Variants in ERC1 observed in about 807,000 individuals in gnomAD.
ERC1 encodes the protein RAB6 interacting protein 2.
In ERC1, 56 loss-of-function variants were observed where a neutral mutation model predicts 132.0. That is an observed-to-expected ratio of 0.42 (90% confidence interval 0.34 to 0.53). The LOEUF (loss-of-function observed/expected upper bound fraction) is 0.53, where lower values mean the gene tolerates loss of function less well. Ranked by LOEUF, ERC1 falls within the 20% of genes least tolerant of loss-of-function variation. The pLI is 0.03. For synonymous variants in ERC1, 478 were observed against 476.1 expected (o/e 1.00, Z -0.05); for missense variants, 1,202 against 1,349.9 (o/e 0.89, Z 1.72).
intron 18 of ERC1, among the ~76,000 whole-genome samples, chr12:1,481,086 CA>C (rs2094081482): frequency 6.6e-6 from 1 of 152,118 alleles, no homozygotes; most frequent in Non-Finnish European, 1.5e-5. Flanking sequence ...TAAAATAGGA[CA>C]GTTATAACAA....
chr12:1,322,145 A>G (rs913926990), intron 15 of ERC1, among the ~76,000 whole-genome samples: 2 of 142,174 alleles, frequency 1.4e-5, no homozygotes, highest in African/African-American at 5.3e-5. Context: ...TACTTATTAT[A>G]TACTTAGGCA....
chr12:1,336,378 G>C (rs2083313836), intron 15 of ERC1, among the ~76,000 whole-genome samples: 1 of 151,846 alleles, frequency 6.6e-6, no homozygotes. Flanking sequence ...TCTTTGATGT[G>C]GACATTTAAT....
intron 16 of ERC1, chr12:1,390,965 C>T (rs182164080): frequency 6.6e-6 from 1 of 152,240 alleles, no homozygotes; most frequent in Admixed American, 6.5e-5. Context: ...TTTCTGACTT[C>T]TGGTGCCCAG....
chr12:1,038,448 G>A lies in ERC1; in HGVS notation c.669+9876G>A, dbSNP rs768920509. ...GGGATCTCGGCTCACTGCAACCTCC[G>A]CCTCCCAGGTTCAAGCAGTTCTCTG... On this transcript the variant is annotated intron_variant, in intron 2 of 18. Transcript: ENST00000360905. Among the ~76,000 whole-genome samples, 8 of 151,048 alleles carry A rather than the reference G, an allele frequency of 5.3e-5. 1 individual carries two copies. The highest frequency in any genetic ancestry group is 3.4e-3 in the Middle Eastern group (1 of 294).
At chr12:1,263,977 A>G (rs910333554) in intron 14 of ERC1, among the ~76,000 whole-genome samples, 2 of 151,682 alleles carry the variant, frequency 1.3e-5, no homozygotes, top group Non-Finnish European at 2.9e-5. Context: ...GGCGTGAGCC[A>G]CTGTGCCCGG....
chr12:1,174,732 G>T (rs1215370425), intron 8 of ERC1, among the ~76,000 whole-genome samples: 1 of 152,158 alleles, frequency 6.6e-6, no homozygotes, highest in African/African-American at 2.4e-5. Context: ...AACTTGGTTG[G>T]TTCTGTGAAA....
chr12:1,292,329 C>G (rs2079513697), intron 15 of ERC1, among the ~76,000 whole-genome samples: 1 of 152,064 alleles, frequency 6.6e-6, no homozygotes, highest in Non-Finnish European at 1.5e-5. Flanking sequence ...TATATGCAGG[C>G]AGTTAGTTGT....
intron 18 of ERC1, among the ~76,000 whole-genome samples, chr12:1,450,307 T>C (rs1007746685): frequency 1.2e-4 from 18 of 152,208 alleles, no homozygotes; most frequent in African/African-American, 4.3e-4. Context: ...ACGCCATACC[T>C]GTTAAACAGT....
intron 2 of ERC1, among the ~76,000 whole-genome samples, chr12:1,054,441 C>G (rs1254944314): frequency 2.0e-5 from 3 of 151,960 alleles, no homozygotes; most frequent in African/African-American, 7.3e-5. Context: ...GCACCCCCGG[C>G]TCTTTTTAAA....
chr12:1,397,615 G>A (rs1310429734), intron 16 of ERC1, among the ~76,000 whole-genome samples: 1 of 152,182 alleles, frequency 6.6e-6, no homozygotes, highest in African/African-American at 2.4e-5. Flanking sequence ...GCAATTATAT[G>A]AGTATATGAT....
intron 1 of ERC1, among the ~76,000 whole-genome samples, chr12:1,013,016 G>A (rs1022920677): frequency 2.6e-5 from 4 of 152,110 alleles, no homozygotes; most frequent in Admixed American, 6.5e-5. Flanking sequence ...GTGAATAGAC[G>A]TTTGTGAACA....
intron 13 of ERC1, among the ~76,000 whole-genome samples, chr12:1,243,216 AAAAG>A (rs933831283): frequency 2.2e-4 from 33 of 152,066 alleles, no homozygotes; most frequent in Non-Finnish European, 3.7e-4. Context: ...AGAAAAAAAA[AAAAG>A]AAATCGAGAG....
chr12:1,146,908 A>G (rs972600816), intron 8 of ERC1, among the ~76,000 whole-genome samples: 1 of 152,086 alleles, frequency 6.6e-6, no homozygotes, highest in Non-Finnish European at 1.5e-5. Context: ...TTTGCTGACA[A>G]TGATGGTTTC....
intron 17 of ERC1, among the ~76,000 whole-genome samples, chr12:1,434,459 C>A (rs963126510): frequency 6.6e-6 from 1 of 152,222 alleles, no homozygotes; most frequent in African/African-American, 2.4e-5. Context: ...GATGTGTACA[C>A]CATGTACCCC....
intron 15 of ERC1, among the ~76,000 whole-genome samples, chr12:1,309,714 C>CCT (rs1288813061): frequency 5.9e-5 from 8 of 135,298 alleles, no homozygotes; most frequent in Non-Finnish European, 1.3e-4. Flanking sequence ...TGCACTCTGA[C>CCT]TTTTTTTTTT....
At chr12:1,469,206 CTGCTGGTGGGAGCCTTG>C in intron 18 of ERC1, among the ~76,000 whole-genome samples, 1 of 152,262 alleles carries the variant, frequency 6.6e-6, no homozygotes, top group Non-Finnish European at 1.5e-5. Context: ...TCTCCCTGTC[CTGCTGGTGGGAGCCTTG>C]AGCCCAGCTC....
chr12:1,134,877 C>A (rs762069058), intron 7 of ERC1, among the ~76,000 whole-genome samples: 1 of 151,968 alleles, frequency 6.6e-6, no homozygotes. Context: ...TACAGGCATG[C>A]GCTACCATGC....
intron 18 of ERC1, among the ~76,000 whole-genome samples, chr12:1,450,030 A>G (rs1448303782): frequency 1.3e-5 from 2 of 152,178 alleles, no homozygotes; most frequent in Admixed American, 6.5e-5. Context: ...GAATCTGCCA[A>G]TAGTATACTT....
chr12:1,293,512 C>G (rs1233128412), intron 15 of ERC1, among the ~76,000 whole-genome samples: 4 of 126,902 alleles, frequency 3.2e-5, no homozygotes, highest in African/African-American at 1.2e-4. Flanking sequence ...GCCTGTAATC[C>G]CAGCTACTCA....
Sources: gnomAD v4.1 joint callset for allele counts (sites outside exome capture counted in the v4.1 genomes callset) on GRCh38, gnomAD v4.1.1 for gene constraint, MANE v1.5 for transcripts, NCBI Gene and HGNC (gene_info 2026-07-23, HGNC 2026-07-21) for gene names.